The following ATM variants were observed in gnomAD, a reference collection of about 807,000 sequenced individuals.
ATM encodes ATM serine/threonine kinase, also known as serine-protein kinase ATM.
ATM carries 308 observed loss-of-function variants against 387.0 expected under a neutral mutation model. The ratio of observed to expected loss-of-function variants is 0.80; its 90% CI spans 0.73 to 0.87. The LOEUF is 0.87. ATM is among the 40% of genes least tolerant of loss of function. The probability of loss-of-function intolerance (pLI) is 0.00; values close to 1 mark genes in which losing one functional copy is unlikely to be tolerated. For missense variants in ATM, 3,312 were observed against 3,560.9 expected (o/e 0.93, Z 1.78); for synonymous variants, 1,156 against 1,187.3 (o/e 0.97, Z 0.54).
At chr11:108,243,845 A>G in intron 5 of ATM, 108 bp from the exon 6 acceptor site, 1 of 1,076,774 alleles carries the variant, frequency 9.3e-7, no homozygotes, top group Non-Finnish European at 1.3e-6. Context: ...GTGCAGTTTT[A>G]AAATCCTTTT....
In ATM at chr11:108,307,749, C is replaced by A. The variant is rs56287535; in HGVS notation, c.5675-148C>A. ...AGTTTCTTTTAAAAGCAAAAGAAAT[C>A]CTATTAAATTCCTTCAGAACCAATT... is the stretch of plus-strand genomic sequence containing the variant. On this transcript the variant is annotated intron_variant, in intron 37 of 62. Coordinates refer to ENST00000675843, the MANE Select transcript of ATM (RefSeq NM_000051.4). 6.1e-4 allele frequency: 406 copies of A among 670,292 alleles called. 2 individuals are homozygous for A. In the East Asian group the frequency reaches 0.011, roughly 18 times the overall value. 41.5% of individuals were successfully genotyped at this position (670,292 alleles called of 1,614,324 possible).
rs561836104 is a variant in ATM at position 108,287,427 on chromosome 11, T to C, written c.3994-173T>C. On this transcript the variant is annotated intron_variant, in intron 26 of 62. Coordinates refer to ENST00000675843, the MANE Select transcript of ATM (RefSeq NM_000051.4). Reference sequence around the variant, plus strand: ...CCTCTTAGTCTACAGGTTGGCTGCATAGAAGAAAAAGGTAGAGTTATTTAT... The same window carrying C: ...CCTCTTAGTCTACAGGTTGGCTGCACAGAAGAAAAAGGTAGAGTTATTTAT... 1.4e-4 allele frequency: 69 copies of C among 486,256 alleles called. No homozygotes were observed. The Middle Eastern group carries it at 1.7e-3, about 12-fold the overall frequency. 30.1% of individuals were successfully genotyped at this position (486,256 alleles called of 1,614,324 possible). A position where few individuals can be genotyped will look rare whatever the true frequency, so the allele number is the denominator to read the frequency against.
chr11:108,354,767 T>C (rs942502977), intron 60 of ATM, 44 bp from the exon 61 acceptor site: 26 of 1,502,400 alleles, frequency 1.7e-5, no homozygotes, highest in Non-Finnish European at 2.1e-5. Flanking sequence ...GTTGACAACA[T>C]TGGTGTGTAA....
intron 20 of ATM, among the ~76,000 whole-genome samples, chr11:108,272,039 A>C (rs2081612485): frequency 6.6e-6 from 1 of 151,992 alleles, no homozygotes; most frequent in Non-Finnish European, 1.5e-5. Flanking sequence ...TGCCTGGCTA[A>C]TTTTTTTGTA....
Position 108,316,033 on chromosome 11 carries a change from G to A in ATM, c.6118G>A (p.Ala2040Thr), listed in dbSNP as rs863224576. Residue 2040 changes from alanine to threonine, a missense_variant, in exon 42 of 63, where the codon GCA (alanine) becomes ACA (threonine). Around this residue, in one of 4 missense-constraint regions of ATM, gnomAD observed 1,405 missense variants for 1,604.4 expected, o/e 0.88. Coordinates refer to ENST00000675843, the MANE Select transcript of ATM (RefSeq NM_000051.4). ...ITRLRTYEHE[A>T]MWGKALVTYD... ...TAGACTACGAACATATGAACACGAA[G>A]CAATGTGGGGCAAAGCCCTAGTAAC... 6.2e-7 allele frequency: 1 copy of A among 1,614,140 alleles called. No individual in the cohort carries two copies. Among genetic ancestry groups the A allele is most frequent in the Non-Finnish European group, 8.5e-7 (1 of 1,180,004 alleles).
chr11:108,307,059 ATAT>A (rs1330648324), intron 37 of ATM, among the ~76,000 whole-genome samples: 3 of 151,630 alleles, frequency 2.0e-5, no homozygotes, highest in African/African-American at 7.3e-5. Context: ...GCCATCTCAG[ATAT>A]TATTATTATT....
intron 16 of ATM, among the ~76,000 whole-genome samples, chr11:108,261,170 C>T (rs953231682): frequency 2.0e-5 from 3 of 152,220 alleles, no homozygotes; most frequent in African/African-American, 7.2e-5. Flanking sequence ...TCTGTAGGCT[C>T]CACCTCTGGG....
chr11:108,271,928 A>G (rs1055827662), intron 20 of ATM, among the ~76,000 whole-genome samples: 2 of 152,216 alleles, frequency 1.3e-5, no homozygotes, highest in African/African-American at 4.8e-5. Flanking sequence ...GCTGGAGTGC[A>G]GTGGTGCTAT....
intron 25 of ATM, 109 bp downstream of exon 25, chr11:108,282,988 G>A: frequency 4.3e-6 from 3 of 692,856 alleles, no homozygotes; most frequent in South Asian, 1.9e-5. Context: ...ACACATGTGT[G>A]TGTGGGAGCC....
intron 5 of ATM, among the ~76,000 whole-genome samples, chr11:108,241,627 G>C (rs187691366): frequency 1.2e-4 from 18 of 151,594 alleles, no homozygotes; most frequent in African/African-American, 4.4e-4. Flanking sequence ...GTATGTGACT[G>C]TGGTTGGAAT....
At position 108,362,978 on chromosome 11, in the gene ATM, AAAAC is replaced by A. The variant is rs202064235; in HGVS notation, c.8851-2092_8851-2089del. Among the ~76,000 whole-genome samples the A allele has an allele frequency of 5.8e-3, 889 of 152,158 alleles. 12 individuals are homozygous for A. The highest frequency in any genetic ancestry group is 0.018 in the African/African-American group (752 of 41,504). The stretch of plus-strand genomic sequence containing the variant: ...AAAAAAAACTAAAAAAACAAACAAC[AAAAC>A]AAACAAACAAAAAAAACACACCCTC... On this transcript the variant is annotated intron_variant, in intron 61 of 62. Transcript: ENST00000675843.
At chr11:108,274,464 GT>G (rs2081816170) in intron 22 of ATM, among the ~76,000 whole-genome samples, 1 of 152,082 alleles carries the variant, frequency 6.6e-6, no homozygotes, top group Non-Finnish European at 1.5e-5. Flanking sequence ...TGATGTTAGG[GT>G]GTTGATTTTA....
chr11:108,288,308 C>T (rs1444219133), intron 27 of ATM, among the ~76,000 whole-genome samples: 5 of 152,034 alleles, frequency 3.3e-5, no homozygotes, highest in African/African-American at 9.7e-5. Flanking sequence ...CTTCTGGCCT[C>T]GAATGATTCC....
rs370240037 is a variant in ATM, at chr11:108,250,905, A to C, written c.1440A>C (p.Leu480Phe). The C allele has an allele frequency of 5.9e-5, 95 of 1,614,080 alleles. No homozygotes were observed. Among genetic ancestry groups the C allele is most frequent in the Non-Finnish European group, 8.0e-5 (94 of 1,180,026 alleles). Residue 480 changes from leucine to phenylalanine, a missense_variant, in exon 10 of 63, where the codon TTA (leucine) becomes TTC (phenylalanine). Physicochemically the swap from Leu to Phe is conservative, Grantham distance 22. Coordinates refer to ENST00000675843, the MANE Select transcript of ATM (RefSeq NM_000051.4). ...TAGAAAGCTCACAAAAGTCAGATTT[A>C]TTAAAACTCTGGAATAAAATTTGGT... is the stretch of plus-strand genomic sequence containing the variant. ...SNLESSQKSDLLKLWNKIWCI... is the reference protein window; with the variant it reads ...SNLESSQKSDFLKLWNKIWCI...
intron 56 of ATM, among the ~76,000 whole-genome samples, chr11:108,342,135 G>C (rs913621729): frequency 6.6e-6 from 1 of 152,034 alleles, no homozygotes; most frequent in Non-Finnish European, 1.5e-5. Context: ...ATTAGTGTTA[G>C]TGTATTTTAT....
rs147557621 is a variant in ATM, at chr11:108,279,510, G to T, written c.3304G>T (p.Gly1102Ter). ...TTTAAGATTGTTCCAGGACACGAAGGGAGATTCTTCCAGGTTACTGAAAGC... is the reference window on the plus strand; with the variant it reads ...TTTAAGATTGTTCCAGGACACGAAGTGAGATTCTTCCAGGTTACTGAAAGC... ...SINRLFQDTK[G>*]DSSRLLKALP... The change falls in exon 23 of 63, where the codon GGA becomes TGA. Residue 1102 changes from glycine (G) to a stop codon, truncating the protein, a stop_gained. Transcript: ENST00000675843. LOFTEE classifies it high-confidence loss of function. 1 of 1,611,956 alleles carries T rather than the reference G, an allele frequency of 6.2e-7. No homozygotes were observed. Among genetic ancestry groups the T allele is most frequent in the Non-Finnish European group, 8.5e-7 (1 of 1,178,786 alleles).
chr11:108,345,711 G>T, intron 57 of ATM, 32 bp from the exon 58 acceptor site: 1 of 1,468,984 alleles, frequency 6.8e-7, no homozygotes, highest in South Asian at 1.3e-5. Flanking sequence ...ACACAATATT[G>T]AAAAATAATT....
intron 3 of ATM, 23 bp downstream of exon 3, chr11:108,227,911 A>G: frequency 6.4e-7 from 1 of 1,561,314 alleles, no homozygotes; most frequent in Non-Finnish European, 8.8e-7. Context: ...AATTTATTTT[A>G]CTGTCTTTAT....
intron 61 of ATM, among the ~76,000 whole-genome samples, chr11:108,358,380 T>C (rs1450579241): frequency 4.1e-5 from 6 of 147,030 alleles, no homozygotes; most frequent in African/African-American, 1.5e-4. Flanking sequence ...TGCAGGATAT[T>C]ATCCAGGAGA....
Sources: gnomAD v4.1 joint callset for allele counts (sites outside exome capture counted in the v4.1 genomes callset) on GRCh38, gnomAD v4.1.1 for gene constraint, gnomAD v4.1.1 regional missense constraint, MANE v1.5 for transcripts, NCBI Gene and HGNC (gene_info 2026-07-23, HGNC 2026-07-21) for gene names.